RIMS1: variants seen among roughly 807,000 people sequenced by gnomAD.
RIMS1 encodes the protein regulating synaptic membrane exocytosis 1.
In RIMS1, 83 loss-of-function variants were observed where a neutral mutation model predicts 214.1. The observed-to-expected ratio is 0.39, with a 90% CI of 0.32 to 0.47. The LOEUF is 0.47. RIMS1 is among the 20% of genes least tolerant of loss of function. The pLI is 0.99. For missense variants in RIMS1, 2,050 were observed against 2,161.8 expected (o/e 0.95, Z 1.03); for synonymous variants, 793 against 786.8 (o/e 1.01, Z -0.13).
chr6:72,167,349 C>T (rs11756194), intron 4 of RIMS1, among the ~76,000 whole-genome samples: 17,884 of 151,466 alleles, frequency 0.12, 1,283 homozygotes, highest in South Asian at 0.18. Context: ...TTTTTGCTTC[C>T]CTGTTTGAGA....
At chr6:72,117,263 T>C (rs2037269255) in intron 4 of RIMS1, among the ~76,000 whole-genome samples, 1 of 152,024 alleles carries the variant, frequency 6.6e-6, no homozygotes, top group African/African-American at 2.4e-5. Context: ...ATTTGGCCTG[T>C]AGGTCATAAG....
chr6:72,274,580 G>A, intron 23 of RIMS1, 148 bp downstream of exon 23: 2 of 622,266 alleles, frequency 3.2e-6, no homozygotes, highest in Non-Finnish European at 5.9e-6. Flanking sequence ...CTCTGGTAAA[G>A]CACCTCAGAA....
intron 4 of RIMS1, among the ~76,000 whole-genome samples, chr6:72,110,041 G>A (rs1027439671): frequency 9.9e-5 from 15 of 152,186 alleles, no homozygotes; most frequent in South Asian, 8.3e-4. Flanking sequence ...TGAGGGCTCT[G>A]TTCTGTTCCA....
At chr6:72,321,476 A>C (rs181764649) in intron 28 of RIMS1, among the ~76,000 whole-genome samples, 138 of 152,238 alleles carry the variant, frequency 9.1e-4, no homozygotes, top group African/African-American at 3.1e-3. Flanking sequence ...AACAACATTT[A>C]TTAGAACAAG....
At chr6:72,184,555 G>A (rs572187109) in intron 6 of RIMS1, among the ~76,000 whole-genome samples, 62 of 152,298 alleles carry the variant, frequency 4.1e-4, no homozygotes, top group African/African-American at 1.4e-3. Context: ...AAAGCAGAAG[G>A]ATAGTCAAGG....
chr6:72,055,855 T>G (rs1469286704), intron 2 of RIMS1, among the ~76,000 whole-genome samples: 1 of 152,180 alleles, frequency 6.6e-6, no homozygotes, highest in Non-Finnish European at 1.5e-5. Flanking sequence ...GCAGTTTGGT[T>G]ATTTCCCAAA....
intron 2 of RIMS1, among the ~76,000 whole-genome samples, chr6:72,023,129 A>C (rs572697190): frequency 6.6e-5 from 10 of 152,320 alleles, no homozygotes; most frequent in Admixed American, 1.3e-4. Context: ...AAAGGAAAAA[A>C]ATAGTCATTT....
intron 4 of RIMS1, among the ~76,000 whole-genome samples, chr6:72,163,765 C>T (rs1290639327): frequency 9.0e-6 from 1 of 111,024 alleles, no homozygotes. Flanking sequence ...GAGGAGTACC[C>T]GGCCATGTGA....
At chr6:72,269,914 C>G (rs1224446156) in intron 22 of RIMS1, among the ~76,000 whole-genome samples, 5 of 152,108 alleles carry the variant, frequency 3.3e-5, no homozygotes, top group Non-Finnish European at 7.4e-5. Context: ...TTGTAAAACC[C>G]TTCTTAACCT....
At chr6:71,897,604 GT>G (rs1562144865) in intron 1 of RIMS1, among the ~76,000 whole-genome samples, 1 of 152,072 alleles carries the variant, frequency 6.6e-6, no homozygotes, top group Non-Finnish European at 1.5e-5. Flanking sequence ...ACCTTATCTG[GT>G]ATATCTTCCC....
At chr6:72,300,137 C>A (rs1339771763) in intron 26 of RIMS1, among the ~76,000 whole-genome samples, 2 of 151,708 alleles carry the variant, frequency 1.3e-5, no homozygotes, top group East Asian at 3.9e-4. Context: ...CTTTAAACTT[C>A]AGGATCCCAG....
chr6:72,081,739 A>T (rs556845113), intron 2 of RIMS1, among the ~76,000 whole-genome samples: 2 of 152,274 alleles, frequency 1.3e-5, no homozygotes, highest in South Asian at 4.1e-4. Flanking sequence ...TCCTTCTGAT[A>T]GTCTCTGGAA....
chr6:72,400,679 G>C lies in RIMS1; in HGVS notation c.5044G>C (p.Glu1682Gln). ...CCGGCGGGCTTCCCAGTCATCTCTG[G>C]AAAGTTCAACTGGGCCTCCCTGTAT... ...LTRRASQSSLESSTGPPCIRS is the reference protein window; with the variant it reads ...LTRRASQSSLQSSTGPPCIRS The change falls in exon 34 of 34, where the codon GAA (glutamate) becomes CAA (glutamine). Residue 1682 changes from glutamate to glutamine, a missense_variant. Glu to Gln is a conservative substitution (Grantham distance 29). Coordinates refer to ENST00000521978, the MANE Select transcript of RIMS1 (RefSeq NM_014989.7). 1 of 1,613,704 alleles carries C rather than the reference G, an allele frequency of 6.2e-7. No homozygotes were observed. Among genetic ancestry groups the C allele is most frequent in the Non-Finnish European group, 8.5e-7 (1 of 1,179,750 alleles).
intron 29 of RIMS1, among the ~76,000 whole-genome samples, chr6:72,380,879 A>T (rs917994073): frequency 3.3e-5 from 5 of 152,114 alleles, no homozygotes; most frequent in African/African-American, 9.7e-5. Flanking sequence ...AGTCCATTCC[A>T]GTATTTGGGG....
At chr6:72,250,156 A>G (rs2072515643) in intron 12 of RIMS1, among the ~76,000 whole-genome samples, 174 bp from the exon 13 acceptor site, 1 of 152,210 alleles carries the variant, frequency 6.6e-6, no homozygotes. Flanking sequence ...TCAAAGAGAA[A>G]AGTAAAGTTC....
chr6:71,933,781 C>G (rs1783787501), intron 1 of RIMS1, among the ~76,000 whole-genome samples: 1 of 151,938 alleles, frequency 6.6e-6, no homozygotes. Context: ...TTCTTCCAAT[C>G]AGATTTCCAT....
chr6:72,259,231 C>T (rs769494546), intron 18 of RIMS1, 120 bp downstream of exon 18: 2 of 680,838 alleles, frequency 2.9e-6, no homozygotes, highest in Non-Finnish European at 4.7e-6. Context: ...ATGAGCTGCT[C>T]TCAAGCAACA....
chr6:72,003,267 T>C (rs1444232551), intron 2 of RIMS1, among the ~76,000 whole-genome samples: 1 of 152,160 alleles, frequency 6.6e-6, no homozygotes, highest in Non-Finnish European at 1.5e-5. Context: ...TTAATATTTC[T>C]GTAGCACTGG....
intron 1 of RIMS1, among the ~76,000 whole-genome samples, chr6:71,887,744 G>A (rs113256932): frequency 2.0e-5 from 3 of 151,610 alleles, no homozygotes; most frequent in South Asian, 2.1e-4. Context: ...TCTTTTTTTG[G>A]GCAATTGCCA....
Sources: allele counts gnomAD v4.1 joint callset (sites outside exome capture counted in the v4.1 genomes callset), GRCh38; gene constraint gnomAD v4.1.1; transcripts MANE v1.5; gene names NCBI Gene and HGNC (gene_info 2026-07-23, HGNC 2026-07-21).